TBCD: variants seen among roughly 807,000 people sequenced by gnomAD.
TBCD encodes the protein tubulin folding cofactor D.
Under a neutral mutation model 169.3 loss-of-function variants are expected in TBCD, and 105 were observed. The observed-to-expected ratio is 0.62, with a 90% CI of 0.53 to 0.73. The LOEUF is 0.73. TBCD is among the 30% of genes least tolerant of loss of function. TBCD has a pLI of 0.00. For synonymous variants in TBCD, 700 were observed against 643.9 expected (o/e 1.09, Z -1.32); for missense variants, 1,444 against 1,600.1 (o/e 0.90, Z 1.66).
In TBCD at chr17:82,782,261, C is replaced by T. The variant is rs78720082; in HGVS notation, c.771+540C>T. Among the ~76,000 whole-genome samples the T allele has an allele frequency of 0.033, 5,078 of 152,184 alleles. 145 individuals carry two copies. The highest frequency in any genetic ancestry group is 0.079 in the African/African-American group (3,267 of 41,502). ...CTTGTGTTACCTTTTCTTGTGCTAA[C>T]GAGGAGGAAAGGTCAAGTCTCAGAA... On this transcript the variant is annotated intron_variant, in intron 7 of 38. Coordinates refer to ENST00000355528, the MANE Select transcript of TBCD (RefSeq NM_005993.5). This position sits in a 1 kb window ranked among gnomAD's most constrained non-coding sequence, Gnocchi z 5.1.
At chr17:82,919,401 G>C (rs2147115304) in intron 23 of TBCD, among the ~76,000 whole-genome samples, 1 of 152,278 alleles carries the variant, frequency 6.6e-6, no homozygotes, top group South Asian at 2.1e-4. Flanking sequence ...CCATGTGTAG[G>C]TTGGTAGGGA....
At chr17:82,761,447 T>C (rs1244650404) in intron 2 of TBCD, among the ~76,000 whole-genome samples, 1 of 152,214 alleles carries the variant, frequency 6.6e-6, no homozygotes, top group Non-Finnish European at 1.5e-5. Flanking sequence ...TTTCGGTAAA[T>C]GTATACACCC....
intron 6 of TBCD, among the ~76,000 whole-genome samples, chr17:82,775,677 A>G (rs552241788): frequency 2.1e-5 from 3 of 140,852 alleles, no homozygotes; most frequent in African/African-American, 8.0e-5. Context: ...TTGCTAGAAC[A>G]TGCAGATTGA....
chr17:82,809,286 G>A (rs2144831399), intron 11 of TBCD, among the ~76,000 whole-genome samples: 1 of 152,258 alleles, frequency 6.6e-6, no homozygotes, highest in Admixed American at 6.5e-5. Flanking sequence ...CGGCCTCCAT[G>A]TGGGGCCGTG....
At chr17:82,774,321 C>A (rs978166925) in intron 6 of TBCD, among the ~76,000 whole-genome samples, 1 of 152,132 alleles carries the variant, frequency 6.6e-6, no homozygotes. Flanking sequence ...AATCCATTTA[C>A]CCCTGAGTGG....
intron 2 of TBCD, among the ~76,000 whole-genome samples, chr17:82,761,021 G>A (rs1384568864): frequency 6.6e-6 from 1 of 151,676 alleles, no homozygotes; most frequent in Admixed American, 6.6e-5. Flanking sequence ...GTGTAATGGC[G>A]TGATCTTGGC....
chr17:82,932,553 G>A, intron 33 of TBCD, 105 bp from the exon 34 acceptor site: 1 of 854,500 alleles, frequency 1.2e-6, no homozygotes, highest in East Asian at 2.6e-5. Flanking sequence ...AATTATAAAG[G>A]GGGCTTGTCG....
At chr17:82,809,812 G>A in intron 12 of TBCD, 30 bp downstream of exon 12, 1 of 1,605,978 alleles carries the variant, frequency 6.2e-7, no homozygotes, top group South Asian at 1.1e-5. Flanking sequence ...GAGGCGTGTG[G>A]GCCTGACCCT....
Position 82,782,861 on chromosome 17 carries a change from C to G in TBCD, c.771+1140C>G, listed in dbSNP as rs1475761792. Among the ~76,000 whole-genome samples the G allele has an allele frequency of 6.6e-6, 1 of 151,462 alleles. No individual in the cohort carries two copies. The highest frequency in any genetic ancestry group is 1.5e-5 in the Non-Finnish European group (1 of 67,850). On this transcript the variant is annotated intron_variant, in intron 7 of 38. Coordinates refer to ENST00000355528, the MANE Select transcript of TBCD (RefSeq NM_005993.5). The surrounding 1 kb of genome is among the most constrained non-coding windows in gnomAD (Gnocchi z 5.1). ...GTCCTCCTGTCCGCAGAGGCGTCCT[C>G]ATGTCCTCAGTGTTGTCTTCCTGTC...
At position 82,915,352 on chromosome 17, in the gene TBCD, C is replaced by T. The variant is rs184539279; in HGVS notation, c.2038+3563C>T. Among the ~76,000 whole-genome samples the T allele has an allele frequency of 3.1e-3, 468 of 152,270 alleles. 1 individual carries two copies. Among genetic ancestry groups the T allele is most frequent in the Non-Finnish European group, 5.7e-3 (390 of 68,004 alleles). ...AACCCTTGGGAGTCGTCTGCGTCCCCATATCAAAGAAATGTCATACAGGTT... is the reference window on the plus strand; with the variant it reads ...AACCCTTGGGAGTCGTCTGCGTCCCTATATCAAAGAAATGTCATACAGGTT... On this transcript the variant is annotated intron_variant, in intron 23 of 38. Transcript: ENST00000355528. This position sits in a 1 kb window ranked among gnomAD's most constrained non-coding sequence, Gnocchi z 4.3.
Position 82,862,084 on chromosome 17 carries a change from G to A in TBCD, c.1319-8140G>A, listed in dbSNP as rs534850231. ...ACTACAGGCGCCCGCCACCTTGCCC[G>A]GCTAATTTTTTGTATTTTTAGTAGA... On this transcript the variant is annotated intron_variant, in intron 13 of 38. Transcript: ENST00000355528. Among the ~76,000 whole-genome samples, 228 of 151,960 alleles carry A rather than the reference G, an allele frequency of 1.5e-3. 9 individuals carry two copies. The South Asian group carries it at 0.044, about 30-fold the overall frequency.
chr17:82,778,274 C>T (rs894884972), intron 6 of TBCD, among the ~76,000 whole-genome samples: 10 of 152,232 alleles, frequency 6.6e-5, no homozygotes, highest in Middle Eastern at 3.4e-3. Flanking sequence ...GGTGGCTTGC[C>T]GCCCACAGTA....
In TBCD at chr17:82,806,882, C is replaced by T. The variant is rs764651910; in HGVS notation, c.1088-726C>T. Among the ~76,000 whole-genome samples, 11 of 152,310 alleles carry T rather than the reference C, an allele frequency of 7.2e-5. No individual in the cohort carries two copies. The highest frequency in any genetic ancestry group is 3.4e-3 in the Middle Eastern group (1 of 294). ...GGTAGGCGCCCGCATCTGTGCTGGG[C>T]GGCTCTGAGTCCCGGGCGGGGCCCT... On this transcript the variant is annotated intron_variant, in intron 10 of 38. Coordinates refer to ENST00000355528, the MANE Select transcript of TBCD (RefSeq NM_005993.5). This position sits in a 1 kb window ranked among gnomAD's most constrained non-coding sequence, Gnocchi z 5.1.
chr17:82,763,161 G>A (rs964041166), intron 2 of TBCD, among the ~76,000 whole-genome samples: 1 of 152,130 alleles, frequency 6.6e-6, no homozygotes, highest in Non-Finnish European at 1.5e-5. Flanking sequence ...GTTTTCAACC[G>A]TGTCTCCTTT....
chr17:82,898,679 T>C (rs77561906), intron 17 of TBCD, among the ~76,000 whole-genome samples: 16,052 of 152,238 alleles, frequency 0.11, 1,140 homozygotes, highest in South Asian at 0.29. Flanking sequence ...TTTGGTGTTT[T>C]CCTGGTAGAC....
At position 82,890,046 on chromosome 17, in the gene TBCD, G is replaced by A. The variant is rs1463448259; in HGVS notation, c.1563+349G>A. On this transcript the variant is annotated intron_variant, in intron 16 of 38. Transcript: ENST00000355528. The surrounding 1 kb of genome is among the most constrained non-coding windows in gnomAD (Gnocchi z 5.3). ...CTCATCCCACACAGAGCAGGAGCTG[G>A]CTCTGTTGACGTCAGCTTGTGCCTC... 6.6e-6 allele frequency among the ~76,000 whole-genome samples: 1 copy of A among 152,224 alleles called. No homozygotes were observed. The highest frequency in any genetic ancestry group is 6.5e-5 in the Admixed American group (1 of 15,280).
chr17:82,922,831 C>T lies in TBCD; in HGVS notation c.2179-821C>T, dbSNP rs1476568546. Among the ~76,000 whole-genome samples the T allele has an allele frequency of 6.6e-6, 1 of 152,224 alleles. No individual in the cohort carries two copies. The highest frequency in any genetic ancestry group is 1.5e-5 in the Non-Finnish European group (1 of 68,046). On this transcript the variant is annotated intron_variant, in intron 25 of 38. Transcript: ENST00000355528. This position sits in a 1 kb window ranked among gnomAD's most constrained non-coding sequence, Gnocchi z 4.1. ...CTTCGGGGGAGCGGTGGAAAGAACA[C>T]GTGGGTTTGGTGTTTGCCACTTGCT... is the stretch of plus-strand genomic sequence containing the variant.
At position 82,814,835 on chromosome 17, in the gene TBCD, C is replaced by G. The variant is rs746746111; in HGVS notation, c.1224-5C>G. ...CTGTGGTCTCAGGATCTTTGTTGCT[C>G]TCAGTTTCCAGGAGACTGACAAGGC... On this transcript the variant is annotated splice_region_variant and splice_polypyrimidine_tract_variant and intron_variant, in intron 12 of 38. Coordinates refer to ENST00000355528, the MANE Select transcript of TBCD (RefSeq NM_005993.5). The G allele has an allele frequency of 6.2e-7, 1 of 1,613,824 alleles. No homozygotes were observed. Among genetic ancestry groups the G allele is most frequent in the South Asian group, 1.1e-5 (1 of 91,054 alleles).
chr17:82,906,086 C>T, intron 20 of TBCD, 33 bp downstream of exon 20: 1 of 1,498,478 alleles, frequency 6.7e-7, no homozygotes, highest in Non-Finnish European at 9.2e-7. Context: ...AGACACAGGG[C>T]TCTGTCCCTG....
Sources: allele counts gnomAD v4.1 joint callset (sites outside exome capture counted in the v4.1 genomes callset), GRCh38; gene constraint gnomAD v4.1.1; non-coding constraint Gnocchi (gnomAD v3.1); transcripts MANE v1.5; gene names NCBI Gene and HGNC (gene_info 2026-07-23, HGNC 2026-07-21).